Variants in SCHIP1 observed in about 807,000 individuals in gnomAD.
The protein encoded by SCHIP1 is schwannomin interacting protein 1.
A neutral mutation model predicts 29.7 loss-of-function variants in SCHIP1; 8 were observed. The ratio of observed to expected loss-of-function variants is 0.27; its 90% CI spans 0.16 to 0.49. The LOEUF is 0.49. SCHIP1 is among the 20% of genes least tolerant of loss of function. The probability of loss-of-function intolerance (pLI) is 0.99; values close to 1 mark genes in which losing one functional copy is unlikely to be tolerated. For synonymous variants in SCHIP1, 76 were observed against 94.9 expected (o/e 0.80, Z 1.16); for missense variants, 193 against 294.6 (o/e 0.66, Z 2.52).
exon 5 of SCHIP1, chr3:159,888,917 T>A: frequency 4.3e-6 from 7 of 1,614,096 alleles, no homozygotes; most frequent in Non-Finnish European, 5.9e-6. Flanking sequence ...CAAGTGATAG[T>A]CAATGATCTC....
the SCHIP1 span, among the ~76,000 whole-genome samples, chr3:159,576,960 T>C: frequency 6.6e-5 from 10 of 152,306 alleles, no homozygotes; most frequent in African/African-American, 2.2e-4. Context: ...TATCAACTTA[T>C]CTAAGTGCTT....
chr3:159,571,760 CT>C, the SCHIP1 span, among the ~76,000 whole-genome samples: 4 of 152,064 alleles, frequency 2.6e-5, no homozygotes, highest in African/African-American at 9.7e-5. Flanking sequence ...TGGTCCTGGA[CT>C]TTTTTTGGTT....
the SCHIP1 span, among the ~76,000 whole-genome samples, chr3:159,299,500 A>C: frequency 6.6e-6 from 1 of 152,338 alleles, no homozygotes; most frequent in Non-Finnish European, 1.5e-5. Flanking sequence ...GGACACCCAT[A>C]AAACCAAGGT....
the SCHIP1 span, among the ~76,000 whole-genome samples, chr3:159,346,327 A>G: frequency 6.7e-6 from 1 of 148,736 alleles, no homozygotes; most frequent in Non-Finnish European, 1.5e-5. Flanking sequence ...AAAGATTTGG[A>G]AGGATTTTGC....
At chr3:159,508,774 G>A in the SCHIP1 span, among the ~76,000 whole-genome samples, 42 of 152,264 alleles carry the variant, frequency 2.8e-4, no homozygotes, top group African/African-American at 7.0e-4. Flanking sequence ...GTAGTTGAGC[G>A]GTTTTGAGTG....
the SCHIP1 span, among the ~76,000 whole-genome samples, chr3:159,663,180 T>C: frequency 6.6e-6 from 1 of 152,228 alleles, no homozygotes; most frequent in Non-Finnish European, 1.5e-5. Flanking sequence ...GCTCAGGACC[T>C]AATCCATAGA....
chr3:159,680,624 TATATATTTTATATATTATATA>T, the SCHIP1 span, among the ~76,000 whole-genome samples: 1 of 86,262 alleles, frequency 1.2e-5, no homozygotes, highest in Non-Finnish European at 2.1e-5. Flanking sequence ...GTATATATAA[TATATATTTTATATATTATATA>T]ATATATGTAT....
chr3:159,850,542 C>CAAAA (rs61224003), intron 1 of SCHIP1, among the ~76,000 whole-genome samples: 73 of 104,896 alleles, frequency 7.0e-4, no homozygotes, highest in East Asian at 1.7e-3. Flanking sequence ...GATTCCATCT[C>CAAAA]AAAAAAAAAA....
chr3:159,839,747 C>A (rs137959070), upstream of SCHIP1: 199 of 394,266 alleles, frequency 5.0e-4, no homozygotes, highest in African/African-American at 4.1e-3. Flanking sequence ...TTGTGTCTGT[C>A]CCTCTCCCTC....
At chr3:159,473,903 A>G in the SCHIP1 span, among the ~76,000 whole-genome samples, 3 of 152,108 alleles carry the variant, frequency 2.0e-5, no homozygotes, top group Admixed American at 6.6e-5. Context: ...TCATGAAAAG[A>G]TTAACTTTGC....
At chr3:159,285,438 A>G in the SCHIP1 span, among the ~76,000 whole-genome samples, 1 of 152,158 alleles carries the variant, frequency 6.6e-6, no homozygotes, top group East Asian at 1.9e-4. Flanking sequence ...TGATCATTTC[A>G]TAAGCAGTAT....
At chr3:159,669,950 A>C in the SCHIP1 span, among the ~76,000 whole-genome samples, 426 of 152,286 alleles carry the variant, frequency 2.8e-3, 2 homozygotes, top group African/African-American at 9.2e-3. Context: ...TGCGTGAGTC[A>C]GTGTCTATTG....
chr3:159,886,170 G>A (rs2109433660), intron 2 of SCHIP1, 37 bp from the exon 4 acceptor site: 1 of 1,610,506 alleles, frequency 6.2e-7, no homozygotes, highest in East Asian at 2.2e-5. Flanking sequence ...ATAACAAACA[G>A]CTAAGTAGAA....
At chr3:159,842,997 CTT>C (rs1440922016) in intron 1 of SCHIP1, among the ~76,000 whole-genome samples, 1 of 61,742 alleles carries the variant, frequency 1.6e-5, no homozygotes, top group Non-Finnish European at 3.5e-5. Context: ...CCCAATATTT[CTT>C]TCTTTTTTTT....
At chr3:159,477,019 C>CACAT in the SCHIP1 span, among the ~76,000 whole-genome samples, 1 of 151,982 alleles carries the variant, frequency 6.6e-6, no homozygotes, top group Non-Finnish European at 1.5e-5. Context: ...TTTTAGATTC[C>CACAT]ACATACAAGT....
the SCHIP1 span, among the ~76,000 whole-genome samples, chr3:159,704,380 A>C: frequency 7.1e-6 from 1 of 141,352 alleles, no homozygotes; most frequent in African/African-American, 2.6e-5. Context: ...GGTTGTAGTG[A>C]GCCAAGATGG....
At chr3:159,598,526 A>ACTCCATGT in the SCHIP1 span, among the ~76,000 whole-genome samples, 1 of 151,930 alleles carries the variant, frequency 6.6e-6, no homozygotes, top group African/African-American at 2.4e-5. Context: ...ATCTCCTTTG[A>ACTCCATGT]CTCCATGTCT....
At chr3:159,751,877 A>G in the SCHIP1 span, among the ~76,000 whole-genome samples, 2 of 152,080 alleles carry the variant, frequency 1.3e-5, no homozygotes, top group South Asian at 2.1e-4. Flanking sequence ...GTAATTCCCA[A>G]TGTTGGAGGT....
the SCHIP1 span, among the ~76,000 whole-genome samples, chr3:159,506,335 T>A: frequency 6.6e-6 from 1 of 152,264 alleles, no homozygotes; most frequent in Non-Finnish European, 1.5e-5. Context: ...CTTGTAAATT[T>A]GTTTGAGTTC....
Sources: gnomAD v4.1 joint callset for allele counts (sites outside exome capture counted in the v4.1 genomes callset) on GRCh38, gnomAD v4.1.1 for gene constraint, MANE v1.5 for transcripts, NCBI Gene and HGNC (gene_info 2026-07-23, HGNC 2026-07-21) for gene names.